LHFPL3: variants seen among roughly 807,000 people sequenced by gnomAD.
LHFPL3 encodes LHFPL tetraspan subfamily member 3 protein.
A neutral mutation model predicts 19.3 loss-of-function variants in LHFPL3; 5 were observed. The observed-to-expected ratio is 0.26, with a 90% CI of 0.14 to 0.54. The LOEUF is 0.54. Among genes scored for constraint, LHFPL3 ranks in the 20% least tolerant of loss-of-function variants. LHFPL3 has a pLI of 0.94. For missense variants in LHFPL3, 249 were observed against 307.4 expected, an observed-to-expected ratio of 0.81 and a Z score of 1.42; for synonymous variants, 133 against 126.2, an observed-to-expected ratio of 1.05 and a Z score of -0.36.
intron 1 of LHFPL3, among the ~76,000 whole-genome samples, chr7:104,604,207 A>G (rs933875583): frequency 2.0e-5 from 3 of 152,188 alleles, no homozygotes; most frequent in African/African-American, 4.8e-5. Flanking sequence ...ACAAGTCACT[A>G]CTTGCACCCT....
intron 2 of LHFPL3, chr7:104,759,593 G>A (rs987192339): frequency 1.8e-4 from 28 of 152,170 alleles, no homozygotes; most frequent in African/African-American, 6.5e-4. Flanking sequence ...GGACAGCACA[G>A]GCCTGGACAG....
At chr7:104,453,546 C>T (rs1198755155) in intron 1 of LHFPL3, among the ~76,000 whole-genome samples, 1 of 152,140 alleles carries the variant, frequency 6.6e-6, no homozygotes, top group Non-Finnish European at 1.5e-5. Flanking sequence ...ACAATAGCAA[C>T]TTTTCTAAAA....
At chr7:104,538,892 A>G (rs1317103560) in intron 1 of LHFPL3, among the ~76,000 whole-genome samples, 1 of 152,192 alleles carries the variant, frequency 6.6e-6, no homozygotes, top group African/African-American at 2.4e-5. Flanking sequence ...ATCTATTATC[A>G]TGGGTTCTTA....
intron 2 of LHFPL3, chr7:104,768,805 T>A (rs754946972): frequency 1.7e-4 from 26 of 152,230 alleles, no homozygotes; most frequent in Non-Finnish European, 3.7e-4. Flanking sequence ...TTGCACTCTT[T>A]AGTAGACAGA....
chr7:104,582,256 A>C (rs1015475809), intron 1 of LHFPL3, among the ~76,000 whole-genome samples: 11 of 151,628 alleles, frequency 7.3e-5, no homozygotes, highest in Non-Finnish European at 1.5e-4. Context: ...GTTTAATTTT[A>C]TTTTCCAATT....
chr7:104,626,002 A>G (rs904237884), intron 1 of LHFPL3, among the ~76,000 whole-genome samples: 1 of 152,200 alleles, frequency 6.6e-6, no homozygotes, highest in African/African-American at 2.4e-5. Context: ...GGCCCTAATA[A>G]GTTCCACTGT....
At chr7:104,375,248 G>C (rs985801396) in intron 1 of LHFPL3, among the ~76,000 whole-genome samples, 1 of 152,148 alleles carries the variant, frequency 6.6e-6, no homozygotes, top group South Asian at 2.1e-4. Flanking sequence ...TGAGGCAGGA[G>C]AATCACTTGA....
intron 1 of LHFPL3, among the ~76,000 whole-genome samples, chr7:104,392,647 C>CT (rs1279471384): frequency 6.6e-6 from 1 of 151,996 alleles, no homozygotes; most frequent in African/African-American, 2.4e-5. Flanking sequence ...CTAAAATTCT[C>CT]TTTTTTTGTT....
chr7:104,836,812 G>A (rs375005658), intron 2 of LHFPL3, among the ~76,000 whole-genome samples: 1 of 152,126 alleles, frequency 6.6e-6, no homozygotes, highest in Non-Finnish European at 1.5e-5. Context: ...TGACTATTTT[G>A]GTTTGTTAGT....
chr7:104,759,562 G>A (rs1031819551), intron 2 of LHFPL3: 1 of 151,992 alleles, frequency 6.6e-6, no homozygotes, highest in East Asian at 1.9e-4. Context: ...GTGCTCAATG[G>A]TCACATTTGG....
chr7:104,604,375 C>T (rs1328652219), intron 1 of LHFPL3, among the ~76,000 whole-genome samples: 1 of 152,152 alleles, frequency 6.6e-6, no homozygotes, highest in East Asian at 1.9e-4. Flanking sequence ...TATTCTGCCC[C>T]GCTAGAGCTC....
At chr7:104,505,234 T>A (rs1046654031) in intron 1 of LHFPL3, among the ~76,000 whole-genome samples, 1 of 152,234 alleles carries the variant, frequency 6.6e-6, no homozygotes, top group Admixed American at 6.5e-5. Context: ...CAGTGGAATT[T>A]TTGTCTTCTA....
chr7:104,389,405 A>G (rs1419383717), intron 1 of LHFPL3, among the ~76,000 whole-genome samples: 1 of 152,206 alleles, frequency 6.6e-6, no homozygotes. Context: ...TCATGTGTAT[A>G]GACCAGACGA....
chr7:104,410,300 T>G (rs1791511227), intron 1 of LHFPL3, among the ~76,000 whole-genome samples: 1 of 152,120 alleles, frequency 6.6e-6, no homozygotes, highest in Admixed American at 6.5e-5. Context: ...ATCCAGCTAA[T>G]TTTTGTATTT....
intron 1 of LHFPL3, among the ~76,000 whole-genome samples, chr7:104,520,333 G>C (rs1237640648): frequency 2.0e-5 from 3 of 147,174 alleles, no homozygotes; most frequent in Non-Finnish European, 4.5e-5. Flanking sequence ...TTGATGTGCT[G>C]CTGGATTCCG....
intron 1 of LHFPL3, among the ~76,000 whole-genome samples, chr7:104,373,070 A>G (rs888099136): frequency 5.3e-5 from 8 of 151,564 alleles, no homozygotes; most frequent in African/African-American, 1.9e-4. Context: ...CTAGAGATTC[A>G]TAACACATAT....
chr7:104,428,677 A>G (rs139985008), intron 1 of LHFPL3, among the ~76,000 whole-genome samples: 1,809 of 152,284 alleles, frequency 0.012, 20 homozygotes, highest in South Asian at 0.018. Flanking sequence ...ATCACTTAGG[A>G]TTTATAAAAT....
intron 2 of LHFPL3, among the ~76,000 whole-genome samples, chr7:104,865,697 A>G (rs918356382): frequency 1.3e-5 from 2 of 152,234 alleles, no homozygotes; most frequent in African/African-American, 4.8e-5. Context: ...AAGGCAGGCC[A>G]ACATTAAAAT....
At chr7:104,663,872 A>G (rs543182458) in intron 1 of LHFPL3, among the ~76,000 whole-genome samples, 25 of 152,328 alleles carry the variant, frequency 1.6e-4, no homozygotes, top group Admixed American at 2.6e-4. Flanking sequence ...TGTCACTTAC[A>G]CCATGTTTGT....
Sources: gnomAD v4.1 joint callset for allele counts (sites outside exome capture counted in the v4.1 genomes callset) on GRCh38, gnomAD v4.1.1 for gene constraint, MANE v1.5 for transcripts, NCBI Gene and HGNC (gene_info 2026-07-23, HGNC 2026-07-21) for gene names.